The following MTTP variants were observed in gnomAD, a reference collection of about 807,000 sequenced individuals.
MTTP encodes microsomal triglyceride transfer protein, also known as microsomal triglyceride transfer protein large subunit.
In MTTP, 49 loss-of-function variants were observed where a neutral mutation model predicts 90.6. That is an observed-to-expected ratio of 0.54 (90% CI 0.43 to 0.69). MTTP has a LOEUF of 0.69. MTTP is among the 30% of genes least tolerant of loss of function. MTTP has a pLI of 0.00. For synonymous variants in MTTP, 347 were observed against 384.2 expected, an observed-to-expected ratio of 0.90 and a Z score of 1.13; for missense variants, 945 against 1,067.5, an observed-to-expected ratio of 0.89 and a Z score of 1.60.
intron 10 of MTTP, among the ~76,000 whole-genome samples, chr4:99,602,147 A>AGTATATAGTAAGTGTG (rs1725715666): frequency 6.6e-6 from 1 of 152,246 alleles, no homozygotes; most frequent in African/African-American, 2.4e-5. Flanking sequence ...CTAGAGTAGA[A>AGTATATAGTAAGTGTG]CTTTGTATAT....
At chr4:99,566,183 G>A (rs1724691311) in intron 1 of MTTP, among the ~76,000 whole-genome samples, 3 of 151,822 alleles carry the variant, frequency 2.0e-5, no homozygotes, top group African/African-American at 7.3e-5. Flanking sequence ...CGTCTACTCC[G>A]GAGGCTGAGG....
Position 99,611,426 on chromosome 4 carries a change from T to G in MTTP, c.1962T>G (p.Ile654Met). The stretch of plus-strand genomic sequence containing the variant: ...GTAACCTGAACATCTTTCAGTACAT[T>G]GGGAAGGCTGGTCTTCACGGTAGCC... Reference protein sequence around the residue: ...RRSNLNIFQYIGKAGLHGSQV... With the variant: ...RRSNLNIFQYMGKAGLHGSQV... The change falls in exon 14 of 18, where the codon ATT (isoleucine) becomes ATG (methionine). Residue 654 changes from isoleucine to methionine, a missense_variant. Physicochemically the swap from Ile to Met is conservative, Grantham distance 10 (BLOSUM62 1). Transcript: ENST00000265517. 1 of 1,614,102 alleles carries G rather than the reference T, an allele frequency of 6.2e-7. No homozygotes were observed. Among genetic ancestry groups the G allele is most frequent in the South Asian group, 1.1e-5 (1 of 91,086 alleles).
At chr4:99,583,742 C>A in intron 3 of MTTP, 1 of 613,336 alleles carries the variant, frequency 1.6e-6, no homozygotes, top group South Asian at 2.2e-5. Context: ...TTCTGGAAAT[C>A]TTTATAGTGG....
At chr4:99,604,060 A>G (rs1428199671) in intron 10 of MTTP, among the ~76,000 whole-genome samples, 1 of 152,184 alleles carries the variant, frequency 6.6e-6, no homozygotes, top group Non-Finnish European at 1.5e-5. Flanking sequence ...AATTTACTAC[A>G]GAAGAACTGT....
At position 99,611,465 on chromosome 4, in the gene MTTP, C is replaced by G. The variant is rs758577231; in HGVS notation, c.1989+12C>G. The G allele has an allele frequency of 1.1e-5, 18 of 1,613,880 alleles. No homozygotes were observed. In the East Asian group the frequency reaches 1.8e-4, roughly 16 times the overall value. ...TTCACGGTAGCCAGGTAACTCACTT[C>G]TCATGGATTTTGCTTAATAAAGTAT... On this transcript the variant is annotated intron_variant, in intron 14 of 17. Transcript: ENST00000265517.
At chr4:99,620,041 A>AT (rs1349387586) in intron 16 of MTTP, among the ~76,000 whole-genome samples, 1 of 152,206 alleles carries the variant, frequency 6.6e-6, no homozygotes, top group Non-Finnish European at 1.5e-5. Flanking sequence ...AGTAATTTGG[A>AT]TTTTTTAAAA....
At chr4:99,568,437 T>G (rs1379997002) in intron 1 of MTTP, among the ~76,000 whole-genome samples, 1 of 152,098 alleles carries the variant, frequency 6.6e-6, no homozygotes, top group Non-Finnish European at 1.5e-5. Context: ...TCTAAAAAAT[T>G]TGAGCAGAAT....
rs1459002149 is a variant in MTTP, at chr4:99,566,174, G to A, written c.-102+1937G>A. 4.0e-5 allele frequency among the ~76,000 whole-genome samples: 6 copies of A among 151,416 alleles called. No individual in the cohort carries two copies. The South Asian group carries it at 6.3e-4, about 16-fold the overall frequency. On this transcript the variant is annotated intron_variant, in intron 1 of 18. Transcript: ENST00000457717. ...CGTGGTGGCGGGCGCCTGTAGTCCC[G>A]TCTACTCCGGAGGCTGAGGCAGGAG...
chr4:99,574,681 G>A, upstream of MTTP: 2 of 945,698 alleles, frequency 2.1e-6, no homozygotes, highest in Admixed American at 2.2e-5. Context: ...AAATTAAAAA[G>A]AGTGAGAGAC....
chr4:99,614,355 C>G (rs567069341), intron 15 of MTTP, among the ~76,000 whole-genome samples: 9 of 152,232 alleles, frequency 5.9e-5, no homozygotes, highest in East Asian at 5.8e-4. Context: ...ATTTTAAGGG[C>G]TGGGAGATAT....
At chr4:99,618,067 C>T (rs183511246) in intron 15 of MTTP, among the ~76,000 whole-genome samples, 1 of 152,044 alleles carries the variant, frequency 6.6e-6, no homozygotes, top group Admixed American at 6.6e-5. Context: ...TAAAATATAG[C>T]AAAACGACAG....
chr4:99,582,856 T>C (rs1262922902), intron 2 of MTTP, among the ~76,000 whole-genome samples: 1 of 152,174 alleles, frequency 6.6e-6, no homozygotes, highest in Non-Finnish European at 1.5e-5. Flanking sequence ...GTGTCTCTAA[T>C]TGCTCTTGTG....
At chr4:99,587,984 C>G (rs1246286502) in intron 3 of MTTP, among the ~76,000 whole-genome samples, 4 of 152,094 alleles carry the variant, frequency 2.6e-5, no homozygotes, top group Non-Finnish European at 1.5e-5. Context: ...CTTTCTAAGT[C>G]GGACAAACAC....
chr4:99,585,777 G>A (rs902512737), intron 3 of MTTP, among the ~76,000 whole-genome samples: 1 of 152,004 alleles, frequency 6.6e-6, no homozygotes, highest in Non-Finnish European at 1.5e-5. Context: ...AATTCTAGAG[G>A]AGCTATGATT....
chr4:99,582,004 G>C lies in MTTP; in HGVS notation c.161G>C (p.Ser54Thr). The C allele has an allele frequency of 6.2e-7, 1 of 1,614,230 alleles. No homozygotes were observed. The highest frequency in any genetic ancestry group is 8.5e-7 in the Non-Finnish European group (1 of 1,180,026). The stretch of plus-strand genomic sequence containing the variant: ...CGGGGCAAAGGAAAACTGCAAGACA[G>C]CGTGGGCTACCGCATTTCCTCCAAC... ...LDRGKGKLQD[S>T]VGYRISSNVD... The change falls in exon 2 of 18, where the codon AGC (serine) becomes ACC (threonine). Residue 54 changes from serine (S) to threonine (T), a missense_variant. By Grantham distance (58) the Ser-to-Thr change is moderately conservative (BLOSUM62 1). Transcript: ENST00000265517.
intron 6 of MTTP, among the ~76,000 whole-genome samples, chr4:99,592,022 T>C (rs1725436743): frequency 6.6e-6 from 1 of 152,144 alleles, no homozygotes; most frequent in African/African-American, 2.4e-5. Context: ...CTACATTATA[T>C]GGTATAGCCT....
At position 99,609,683 on chromosome 4, in the gene MTTP, A is replaced by G. The variant is rs115105462; in HGVS notation, c.1769+706A>G. Among the ~76,000 whole-genome samples the G allele has an allele frequency of 3.5e-3, 535 of 152,188 alleles. 6 individuals are homozygous for G. Among genetic ancestry groups the G allele is most frequent in the African/African-American group, 0.012 (504 of 41,456 alleles). On this transcript the variant is annotated intron_variant, in intron 12 of 17. Coordinates refer to ENST00000265517, the MANE Select transcript of MTTP (RefSeq NM_001386140.1). The stretch of plus-strand genomic sequence containing the variant: ...GGAAGGGTGGAAAATAAAGGGAAAG[A>G]AAATGAAAAAAGACAGCATTAAAAG...
In MTTP at chr4:99,614,072, A is replaced by G. The variant is rs184326725; in HGVS notation, c.2217+932A>G. On this transcript the variant is annotated intron_variant, in intron 15 of 17. Coordinates refer to ENST00000265517, the MANE Select transcript of MTTP (RefSeq NM_001386140.1). The stretch of plus-strand genomic sequence containing the variant: ...CTTATTATATTGAGAATATATAAGG[A>G]GATTGAAATAAAAATTTACAGATGA... Among the ~76,000 whole-genome samples the G allele has an allele frequency of 1.1e-3, 173 of 152,356 alleles. 3 individuals carry two copies. Among genetic ancestry groups the G allele is most frequent in the Middle Eastern group, 6.8e-3 (2 of 294 alleles).
upstream of MTTP, among the ~76,000 whole-genome samples, chr4:99,574,277 A>G (rs1724899998): frequency 6.6e-6 from 1 of 152,238 alleles, no homozygotes; most frequent in South Asian, 2.1e-4. Context: ...AAGGACAATC[A>G]TCTATGTTTC....
Sources: gnomAD v4.1 joint callset for allele counts (sites outside exome capture counted in the v4.1 genomes callset) on GRCh38, gnomAD v4.1.1 for gene constraint, MANE v1.5 for transcripts, NCBI Gene and HGNC (gene_info 2026-07-23, HGNC 2026-07-21) for gene names.